CACNA1I: variants seen among roughly 807,000 people sequenced by gnomAD.
The protein encoded by CACNA1I is voltage-dependent T-type calcium channel subunit alpha-1I.
Under a neutral mutation model 201.6 loss-of-function variants are expected in CACNA1I, and 74 were observed. That is an observed-to-expected ratio of 0.37 (90% CI 0.30 to 0.45). The LOEUF is 0.45. Ranked by LOEUF, CACNA1I falls within the 20% of genes least tolerant of loss-of-function variation. CACNA1I has a pLI of 1.00. For synonymous variants in CACNA1I, 1,431 were observed against 1,345.2 expected, an observed-to-expected ratio of 1.06 and a Z score of -1.40; for missense variants, 2,346 against 3,138.1, an observed-to-expected ratio of 0.75 and a Z score of 6.03.
At chr22:39,607,141 G>T (rs997664747) in intron 3 of CACNA1I, among the ~76,000 whole-genome samples, 2 of 152,216 alleles carry the variant, frequency 1.3e-5, no homozygotes, top group Non-Finnish European at 2.9e-5. Context: ...GTTTGCCAAG[G>T]ACATGGCTGA....
Position 39,649,430 on chromosome 22 carries a change from AG to A in CACNA1I, c.1568-68del. On this transcript the variant is annotated intron_variant, in intron 9 of 36. Coordinates refer to ENST00000402142, the MANE Select transcript of CACNA1I (RefSeq NM_021096.4). This position sits in a 1 kb window ranked among gnomAD's most constrained non-coding sequence, Gnocchi z 7.3. Reference sequence around the variant, plus strand: ...GTGGGCCTGGGAGCCAAGCGCACTCAGGGATGTGTCCCAGGGTGGATTGGGC... The same window carrying A: ...GTGGGCCTGGGAGCCAAGCGCACTCAGGATGTGTCCCAGGGTGGATTGGGC... The A allele has an allele frequency of 7.1e-7, 1 of 1,407,892 alleles. No individual in the cohort carries two copies. The highest frequency in any genetic ancestry group is 9.4e-7 in the Non-Finnish European group (1 of 1,060,434). 87.2% of individuals were successfully genotyped at this position (1,407,892 alleles called of 1,614,324 possible).
chr22:39,601,268 G>A (rs1248735601), intron 3 of CACNA1I, among the ~76,000 whole-genome samples: 3 of 152,228 alleles, frequency 2.0e-5, no homozygotes, highest in African/African-American at 7.2e-5. Flanking sequence ...CTGGGGGCAA[G>A]GAGGAGAGCA....
Position 39,686,347 on chromosome 22 carries a change from C to G in CACNA1I, c.6614C>G (p.Pro2205Arg). ...PMGLGPLAPP[P>R]QPLPGELEPG... ...GGCCTGGGCCCCTTGGCGCCCCCGC[C>G]GCAACCGCTCCCCGGAGAGCTGGAG... The change falls in exon 37 of 37, where the codon CCG becomes CGG. Residue 2205 changes from proline to arginine, a missense_variant. By Grantham distance (103) the Pro-to-Arg change is moderately radical (BLOSUM62 -2). This residue lies in a region of CACNA1I where 187 missense variants were observed against 151.0 expected (regional missense o/e 1.24). Coordinates refer to ENST00000402142, the MANE Select transcript of CACNA1I (RefSeq NM_021096.4). 1.5e-6 allele frequency: 2 copies of G among 1,315,400 alleles called. No homozygotes were observed. The highest frequency in any genetic ancestry group is 1.9e-6 in the Non-Finnish European group (2 of 1,030,412). The allele number at this position is 1,315,400 out of a possible 1,614,324, so 81.5% of individuals were successfully genotyped here.
At chr22:39,661,057 C>A in intron 15 of CACNA1I, 51 bp from the exon 16 acceptor site, 2 of 1,438,354 alleles carry the variant, frequency 1.4e-6, no homozygotes, top group South Asian at 1.2e-5. Context: ...TGCTGTTGTT[C>A]TGTCCTGTCT....
At chr22:39,575,614 T>G (rs563271832) in intron 1 of CACNA1I, among the ~76,000 whole-genome samples, 1 of 120,402 alleles carries the variant, frequency 8.3e-6, no homozygotes, top group African/African-American at 3.5e-5. Context: ...TTGAGCTTGT[T>G]CTGCTGCTAG....
intron 7 of CACNA1I, among the ~76,000 whole-genome samples, chr22:39,645,048 C>T (rs888641816): frequency 4.0e-5 from 6 of 151,572 alleles, no homozygotes; most frequent in African/African-American, 1.2e-4. Flanking sequence ...GTGCAATGGC[C>T]TGATCTTGGC....
At chr22:39,646,073 AG>A (rs1325119180) in intron 7 of CACNA1I, among the ~76,000 whole-genome samples, 1 of 152,000 alleles carries the variant, frequency 6.6e-6, no homozygotes, top group African/African-American at 2.4e-5. Context: ...GCCAGGGCCT[AG>A]GGGTCTGAGG....
intron 23 of CACNA1I, 66 bp from the exon 24 acceptor site, chr22:39,668,226 G>T: frequency 1.1e-6 from 1 of 911,400 alleles, no homozygotes; most frequent in Non-Finnish European, 1.8e-6. Context: ...GAGCTGAGGA[G>T]GGGTGGCTGC....
chr22:39,647,959 C>T (rs775023765), intron 9 of CACNA1I, 33 bp downstream of exon 9: 4 of 1,582,812 alleles, frequency 2.5e-6, no homozygotes, highest in African/African-American at 1.3e-5. Flanking sequence ...GGGCCCTGCC[C>T]CCAGCCCCAA....
In CACNA1I at chr22:39,641,938, C is replaced by T. The variant is rs145344351; in HGVS notation, c.1056+756C>T. On this transcript the variant is annotated intron_variant, in intron 6 of 36. Transcript: ENST00000402142. ...TGTTAAGAATAAAGCAGATGGCACGCTCAGGGCAGCCAGCCCTGTGTACAG... is the reference window on the plus strand; with the variant it reads ...TGTTAAGAATAAAGCAGATGGCACGTTCAGGGCAGCCAGCCCTGTGTACAG... Among the ~76,000 whole-genome samples, 491 of 152,300 alleles carry T rather than the reference C, an allele frequency of 3.2e-3. 2 individuals carry two copies. The highest frequency in any genetic ancestry group is 0.011 in the African/African-American group (471 of 41,558).
At chr22:39,653,118 T>C (rs1934699165) in intron 10 of CACNA1I, among the ~76,000 whole-genome samples, 1 of 101,486 alleles carries the variant, frequency 9.9e-6, no homozygotes, top group Admixed American at 8.6e-5. Context: ...GCTGACTGCA[T>C]TGTGGGTGCA....
intron 28 of CACNA1I, 105 bp from the exon 29 acceptor site, chr22:39,673,858 C>T (rs1935442920): frequency 2.9e-6 from 3 of 1,042,428 alleles, no homozygotes; most frequent in East Asian, 2.5e-5. Flanking sequence ...CTTGCACGTG[C>T]CTTCATGTTC....
Position 39,659,130 on chromosome 22 carries a change from G to C in CACNA1I, c.2330+14G>C. 2 of 1,611,102 alleles carry C rather than the reference G, an allele frequency of 1.2e-6. No individual in the cohort carries two copies. Among genetic ancestry groups the C allele is most frequent in the Non-Finnish European group, 1.7e-6 (2 of 1,179,382 alleles). ...CTTCATCTTCAGGTGAGCCTGCCCT[G>C]CTGGGGGCCATACCTCAGCACCTGC... On this transcript the variant is annotated intron_variant, in intron 12 of 36. Coordinates refer to ENST00000402142, the MANE Select transcript of CACNA1I (RefSeq NM_021096.4). The surrounding 1 kb of genome is among the most constrained non-coding windows in gnomAD (Gnocchi z 4.3).
chr22:39,663,103 G>T (rs1935079275), intron 18 of CACNA1I, among the ~76,000 whole-genome samples: 1 of 152,212 alleles, frequency 6.6e-6, no homozygotes, highest in Non-Finnish European at 1.5e-5. Flanking sequence ...AAGAGTCTCA[G>T]CCTTGGCTTC....
In CACNA1I at chr22:39,662,289, G is replaced by A; in HGVS notation, c.3226G>A (p.Ala1076Thr). ...DLAELVPAVGAHPRAAWRAAG... is the reference protein window; with the variant it reads ...DLAELVPAVGTHPRAAWRAAG... ...GGCCGAGCTGGTGCCCGCGGTGGGC[G>A]CCCACCCCCGGGCCGCCTGGAGGGC... Residue 1076 changes from alanine to threonine, a missense_variant, in exon 17 of 37, where the codon GCC becomes ACC. Around this residue, in one of 13 missense-constraint regions of CACNA1I, gnomAD observed 288 missense variants for 255.2 expected, o/e 1.13. Transcript: ENST00000402142. 1 of 1,511,360 alleles carries A rather than the reference G, an allele frequency of 6.6e-7. No homozygotes were observed. The allele number at this position is 1,511,360 out of a possible 1,614,324, so 93.6% of individuals were successfully genotyped here. A position where few individuals can be genotyped will look rare whatever the true frequency, so the allele number is the denominator to read the frequency against.
chr22:39,619,496 C>T, intron 4 of CACNA1I, 89 bp downstream of exon 4: 3 of 917,548 alleles, frequency 3.3e-6, no homozygotes, highest in East Asian at 2.4e-5. Context: ...GCCCACCCCC[C>T]CACCCTGCTT....
At chr22:39,650,473 C>T (rs967984396) in intron 10 of CACNA1I, among the ~76,000 whole-genome samples, 7 of 152,090 alleles carry the variant, frequency 4.6e-5, no homozygotes, top group Admixed American at 2.6e-4. Context: ...TCTGTCCATT[C>T]CCCCCCAAAC....
chr22:39,656,334 T>C (rs901752111), intron 10 of CACNA1I: 1 of 504,244 alleles, frequency 2.0e-6, no homozygotes, highest in African/African-American at 1.9e-5. Context: ...CTCTCCCACC[T>C]CCCAGCCAGC....
At position 39,641,020 on chromosome 22, in the gene CACNA1I, C is replaced by T. The variant is rs778091676; in HGVS notation, c.894C>T (p.Asp298=). 3.7e-5 allele frequency: 59 copies of T among 1,613,924 alleles called. No individual in the cohort carries two copies. Among genetic ancestry groups the T allele is most frequent in the Middle Eastern group, 3.3e-4 (2 of 6,084 alleles). ...EQGRECCLSK[D]DVYDFGAGRQ... is the part of the protein sequence containing the mutation. ...GCCGTGAGTGCTGCCTGTCCAAGGA[C>T]GACGTCTACGACTTTGGGGCGGGGC... The change falls in exon 6 of 37, where the codon GAC becomes GAT. Residue 298 remains aspartate, a synonymous_variant. Coordinates refer to ENST00000402142, the MANE Select transcript of CACNA1I (RefSeq NM_021096.4).
Sources: allele counts gnomAD v4.1 joint callset (sites outside exome capture counted in the v4.1 genomes callset), GRCh38; gene constraint gnomAD v4.1.1; regional missense constraint gnomAD v4.1.1; non-coding constraint Gnocchi (gnomAD v3.1); transcripts MANE v1.5; gene names NCBI Gene and HGNC (gene_info 2026-07-23, HGNC 2026-07-21).